PSMA8: variants seen among roughly 807,000 people sequenced by gnomAD.
PSMA8 encodes the protein proteasome subunit alpha-type 8.
Under a neutral mutation model 32.4 loss-of-function variants are expected in PSMA8, and 18 were observed. The ratio of observed to expected loss-of-function variants is 0.56; its 90% confidence interval spans 0.38 to 0.82. PSMA8 has a LOEUF of 0.82. PSMA8 is among the 40% of genes least tolerant of loss of function. PSMA8 has a pLI of 0.00. For synonymous variants in PSMA8, 104 were observed against 98.1 expected, an observed-to-expected ratio of 1.06 and a Z score of -0.36; for missense variants, 298 against 300.7, an observed-to-expected ratio of 0.99 and a Z score of 0.07.
chr18:26,179,274 C>T (rs1167967719), intron 6 of PSMA8, 144 bp downstream of exon 6: 9 of 551,230 alleles, frequency 1.6e-5, no homozygotes, highest in East Asian at 3.1e-5. Flanking sequence ...GACCGTCTAC[C>T]GGTTTTTTGT....
intron 2 of PSMA8, among the ~76,000 whole-genome samples, chr18:26,148,773 C>G (rs8095099): frequency 0.11 from 16,088 of 152,092 alleles, 1,376 homozygotes; most frequent in African/African-American, 0.22. Context: ...AAGATTCCAC[C>G]AAAAATGTTA....
Position 26,178,938 on chromosome 18 carries a change from G to C in PSMA8, c.586G>C (p.Ala196Pro). The change falls in exon 5 of 7, where the codon GCT (alanine) becomes CCT (proline). Residue 196 changes from alanine to proline, a missense_variant. Transcript: ENST00000415576. The part of the protein sequence containing the change: ...DSEAIKLAIK[A>P]LLEVVQSGGK... Reference sequence around the variant, plus strand: ...TGAAGCTATCAAGTTAGCAATAAAAGCTTTGCTAGAAGTAAGTGATCTAAT... The same window carrying C: ...TGAAGCTATCAAGTTAGCAATAAAACCTTTGCTAGAAGTAAGTGATCTAAT... The C allele has an allele frequency of 6.2e-7, 1 of 1,612,896 alleles. No individual in the cohort carries two copies. The highest frequency in any genetic ancestry group is 8.5e-7 in the Non-Finnish European group (1 of 1,179,630).
At chr18:26,188,729 A>G (rs911552964) in intron 6 of PSMA8, among the ~76,000 whole-genome samples, 13 of 152,168 alleles carry the variant, frequency 8.5e-5, no homozygotes, top group Non-Finnish European at 2.9e-5. Flanking sequence ...GGTGCTAAGA[A>G]CATACACTGG....
At chr18:26,160,510 A>AT (rs2055126949) in intron 4 of PSMA8, among the ~76,000 whole-genome samples, 1 of 152,224 alleles carries the variant, frequency 6.6e-6, no homozygotes, top group Non-Finnish European at 1.5e-5. Context: ...TCTGGGAACT[A>AT]TAACATTTTA....
rs2055414226 is a variant in PSMA8 at position 26,192,721 on chromosome 18, A to C, written c.*310A>C. ...CATATATGCAAATATAATTTTAAAA[A>C]ATTTTTTAATTAAAAAAATTTAATA... On this transcript the variant is annotated 3_prime_UTR_variant, in exon 7 of 7. Transcript: ENST00000415576. 2 of 156,772 alleles carry C rather than the reference A, an allele frequency of 1.3e-5. No homozygotes were observed. The highest frequency in any genetic ancestry group is 4.1e-4 in the South Asian group (2 of 4,886). 9.7% of individuals were successfully genotyped at this position (156,772 alleles called of 1,614,324 possible).
At chr18:26,144,183 G>T (rs1397057257) in intron 1 of PSMA8, among the ~76,000 whole-genome samples, 1 of 151,990 alleles carries the variant, frequency 6.6e-6, no homozygotes, top group Non-Finnish European at 1.5e-5. Flanking sequence ...TATTAATTGG[G>T]GTGTGATAAA....
intron 2 of PSMA8, 143 bp downstream of exon 2, chr18:26,144,828 A>G (rs1568055169): frequency 1.5e-6 from 1 of 658,956 alleles, no homozygotes; most frequent in Non-Finnish European, 2.3e-6. Context: ...TAAAGCAAAT[A>G]CTAACTTTGT....
At chr18:26,149,267 T>G (rs1269904233) in intron 2 of PSMA8, among the ~76,000 whole-genome samples, 1 of 152,202 alleles carries the variant, frequency 6.6e-6, no homozygotes, top group Non-Finnish European at 1.5e-5. Context: ...GCAAAAGATT[T>G]GTACTCTGAA....
chr18:26,145,326 C>T lies in PSMA8; in HGVS notation c.229+641C>T, dbSNP rs190919915. 2.3e-3 allele frequency among the ~76,000 whole-genome samples: 356 copies of T among 152,202 alleles called. 1 individual carries two copies. Among genetic ancestry groups the T allele is most frequent in the African/African-American group, 5.9e-3 (244 of 41,522 alleles). On this transcript the variant is annotated intron_variant, in intron 2 of 6. Coordinates refer to ENST00000415576, the MANE Select transcript of PSMA8 (RefSeq NM_001025096.2). ...GGAGACGGGGTTTCTCCATGTTGGT[C>T]AGGCTGGTCTTGAACTCCTGACCTC...
At chr18:26,169,130 C>T (rs1206551608) in intron 4 of PSMA8, among the ~76,000 whole-genome samples, 1 of 131,808 alleles carries the variant, frequency 7.6e-6, no homozygotes, top group East Asian at 2.2e-4. Flanking sequence ...TACAGGTGTG[C>T]GCCACAATGC....
intron 4 of PSMA8, among the ~76,000 whole-genome samples, chr18:26,168,151 C>T (rs2055194860): frequency 8.6e-6 from 1 of 115,710 alleles, no homozygotes; most frequent in Non-Finnish European, 1.6e-5. Context: ...TCCTAACAGT[C>T]CCCTGCCCCA....
intron 4 of PSMA8, among the ~76,000 whole-genome samples, chr18:26,165,852 T>C (rs1343081058): frequency 6.6e-6 from 1 of 152,084 alleles, no homozygotes; most frequent in African/African-American, 2.4e-5. Flanking sequence ...TCCCAGCACT[T>C]TGGGAGGCCG....
chr18:26,179,929 A>T (rs2144346839), intron 6 of PSMA8, among the ~76,000 whole-genome samples: 1 of 149,734 alleles, frequency 6.7e-6, no homozygotes. Context: ...CTATGAAAAA[A>T]AAAAATTAAA....
chr18:26,179,484 C>T (rs746124117), intron 6 of PSMA8, among the ~76,000 whole-genome samples: 3 of 152,006 alleles, frequency 2.0e-5, no homozygotes, highest in Non-Finnish European at 2.9e-5. Context: ...GTGCCTTGAG[C>T]GTCTTGTGAG....
At chr18:26,157,136 GA>G (rs906076031) in intron 3 of PSMA8, among the ~76,000 whole-genome samples, 4 of 151,774 alleles carry the variant, frequency 2.6e-5, no homozygotes, top group African/African-American at 9.7e-5. Context: ...TGGAAAATAA[GA>G]AAATAGATAT....
intron 1 of PSMA8, among the ~76,000 whole-genome samples, chr18:26,136,253 A>AATTT (rs2054910808): frequency 6.6e-6 from 1 of 152,252 alleles, no homozygotes; most frequent in South Asian, 2.1e-4. Flanking sequence ...ATTTTGGAGA[A>AATTT]GTAATACCTT....
intron 1 of PSMA8, among the ~76,000 whole-genome samples, chr18:26,143,690 T>C (rs867163838): frequency 3.6e-4 from 55 of 152,244 alleles, no homozygotes; most frequent in Admixed American, 2.4e-3. Flanking sequence ...CTGTCACTCA[T>C]GGATTCACCA....
intron 1 of PSMA8, among the ~76,000 whole-genome samples, chr18:26,136,261 C>T (rs1843922606): frequency 6.6e-6 from 1 of 152,122 alleles, no homozygotes; most frequent in African/African-American, 2.4e-5. Flanking sequence ...GAAGTAATAC[C>T]TTTCTTCTTA....
chr18:26,144,881 A>T (rs1338619517), intron 2 of PSMA8, among the ~76,000 whole-genome samples, 196 bp downstream of exon 2: 1 of 152,216 alleles, frequency 6.6e-6, no homozygotes, highest in Non-Finnish European at 1.5e-5. Context: ...AAAGATATAT[A>T]TTACTTTACT....
Sources: allele counts gnomAD v4.1 joint callset (sites outside exome capture counted in the v4.1 genomes callset), GRCh38; gene constraint gnomAD v4.1.1; transcripts MANE v1.5; gene names NCBI Gene and HGNC (gene_info 2026-07-23, HGNC 2026-07-21).